Variants in MVB12B observed in about 807,000 individuals in gnomAD.
The protein encoded by MVB12B is multivesicular body subunit 12B, also known as ESCRT-I complex subunit MVB12B.
In MVB12B, 16 loss-of-function variants were observed where a neutral mutation model predicts 41.6. The observed-to-expected ratio is 0.38, with a 90% CI of 0.26 to 0.58. MVB12B has a LOEUF of 0.58. Among genes scored for constraint, MVB12B ranks in the 20% least tolerant of loss-of-function variants. MVB12B has a pLI of 0.62. For synonymous variants in MVB12B, 133 were observed against 139.7 expected, an observed-to-expected ratio of 0.95 and a Z score of 0.34; for missense variants, 274 against 380.2, an observed-to-expected ratio of 0.72 and a Z score of 2.32.
At chr9:126,327,778 T>C (rs1588074171) in intron 1 of MVB12B, among the ~76,000 whole-genome samples, 2 of 152,316 alleles carry the variant, frequency 1.3e-5, no homozygotes, top group Admixed American at 6.5e-5. Flanking sequence ...CCATGAAAGA[T>C]GAGACTCTTC....
chr9:126,394,883 A>C (rs1831063130), intron 5 of MVB12B, among the ~76,000 whole-genome samples: 1 of 152,158 alleles, frequency 6.6e-6, no homozygotes, highest in Admixed American at 6.5e-5. Flanking sequence ...ATATGGTGAA[A>C]ATGATCCCGT....
chr9:126,412,993 A>C (rs1831695581), intron 6 of MVB12B, among the ~76,000 whole-genome samples: 1 of 152,042 alleles, frequency 6.6e-6, no homozygotes, highest in Non-Finnish European at 1.5e-5. Flanking sequence ...GCCTCCTCTT[A>C]TTGATGGTCA....
chr9:126,465,567 G>T (rs1269615589), intron 7 of MVB12B, among the ~76,000 whole-genome samples: 2 of 150,864 alleles, frequency 1.3e-5, no homozygotes, highest in Non-Finnish European at 2.9e-5. Context: ...TATTCAATAG[G>T]TTTCTTTGGA....
intron 7 of MVB12B, among the ~76,000 whole-genome samples, chr9:126,475,173 C>G (rs992380604): frequency 6.6e-6 from 1 of 152,192 alleles, no homozygotes; most frequent in African/African-American, 2.4e-5. Flanking sequence ...ATTTGGCCCA[C>G]GATCACAACT....
At chr9:126,403,330 C>T (rs1235414383) in intron 6 of MVB12B, among the ~76,000 whole-genome samples, 2 of 152,206 alleles carry the variant, frequency 1.3e-5, no homozygotes, top group Non-Finnish European at 2.9e-5. Context: ...CCAGCCCCTT[C>T]CCTCCTGGAA....
intron 1 of MVB12B, among the ~76,000 whole-genome samples, chr9:126,332,453 G>A (rs1013973891): frequency 1.3e-5 from 2 of 152,180 alleles, no homozygotes; most frequent in Non-Finnish European, 2.9e-5. Flanking sequence ...TCTTCCTGCA[G>A]CCAGCCTGGG....
intron 2 of MVB12B, among the ~76,000 whole-genome samples, chr9:126,346,846 G>A (rs940173467): frequency 7.2e-5 from 11 of 152,224 alleles, no homozygotes; most frequent in East Asian, 5.8e-4. Context: ...CAAAGTTGCC[G>A]AAGTGAAAGG....
At chr9:126,472,904 T>C (rs1436361277) in intron 7 of MVB12B, among the ~76,000 whole-genome samples, 1 of 152,156 alleles carries the variant, frequency 6.6e-6, no homozygotes, top group Non-Finnish European at 1.5e-5. Context: ...CTTGCTTTCA[T>C]CTGCTGGAGG....
At chr9:126,496,212 T>TCCATCCACCCAC in intron 9 of MVB12B, among the ~76,000 whole-genome samples, 1 of 20,566 alleles carries the variant, frequency 4.9e-5, no homozygotes, top group African/African-American at 1.8e-4. Flanking sequence ...TACCCACCCG[T>TCCATCCACCCAC]CCATCCACCC....
chr9:126,332,207 A>G (rs758124255), intron 1 of MVB12B, among the ~76,000 whole-genome samples: 1 of 151,802 alleles, frequency 6.6e-6, no homozygotes, highest in Non-Finnish European at 1.5e-5. Context: ...TTCTTTGCTC[A>G]CCTTTCCCTG....
At chr9:126,355,798 T>G (rs910041885) in intron 2 of MVB12B, among the ~76,000 whole-genome samples, 2 of 152,244 alleles carry the variant, frequency 1.3e-5, no homozygotes, top group African/African-American at 4.8e-5. Flanking sequence ...TGAGGTAAAG[T>G]AACATAAAAT....
intron 6 of MVB12B, among the ~76,000 whole-genome samples, chr9:126,399,240 A>C (rs905604735): frequency 6.6e-6 from 1 of 152,134 alleles, no homozygotes; most frequent in Non-Finnish European, 1.5e-5. Flanking sequence ...ACATCGCCAC[A>C]CACATCTCTT....
intron 5 of MVB12B, among the ~76,000 whole-genome samples, chr9:126,393,159 T>A (rs924063321): frequency 6.6e-6 from 1 of 152,190 alleles, no homozygotes; most frequent in Non-Finnish European, 1.5e-5. Flanking sequence ...TAGGGCTCTG[T>A]TGATTGTAAG....
rs754498220 is a variant in MVB12B, at chr9:126,386,520, T to C, written c.313-42T>C. On this transcript the variant is annotated intron_variant, in intron 3 of 9. Transcript: ENST00000361171. This position sits in a 1 kb window ranked among gnomAD's most constrained non-coding sequence, Gnocchi z 4.3. ...CAAAATGGCAAACCCACCACATGCA[T>C]GTTCAGATTAATAGTCTGTATCTCT... 2.0e-6 allele frequency: 3 copies of C among 1,492,252 alleles called. No individual in the cohort carries two copies. In the Admixed American group the frequency reaches 5.0e-5, roughly 25 times the overall value. 92.4% of individuals were successfully genotyped at this position (1,492,252 alleles called of 1,614,324 possible). A position where few individuals can be genotyped will look rare whatever the true frequency, so the allele number is the denominator to read the frequency against.
chr9:126,405,324 G>A (rs1380741475), intron 6 of MVB12B, among the ~76,000 whole-genome samples: 2 of 151,942 alleles, frequency 1.3e-5, no homozygotes, highest in African/African-American at 4.8e-5. Context: ...GAGTGCACGA[G>A]GGCTCTTTGT....
At chr9:126,487,104 C>T (rs1833636045) in intron 9 of MVB12B, among the ~76,000 whole-genome samples, 1 of 152,222 alleles carries the variant, frequency 6.6e-6, no homozygotes, top group Admixed American at 6.5e-5. Context: ...GGTTGGGGCA[C>T]ACCCCGGAGT....
intron 9 of MVB12B, among the ~76,000 whole-genome samples, chr9:126,499,355 G>A (rs995287160): frequency 6.6e-6 from 1 of 152,116 alleles, no homozygotes; most frequent in African/African-American, 2.4e-5. Context: ...GTGGCGGCCT[G>A]TGCCCACCAG....
In MVB12B at chr9:126,370,526, C is replaced by T. The variant is rs188523791; in HGVS notation, c.205-10538C>T. Among the ~76,000 whole-genome samples the T allele has an allele frequency of 3.3e-5, 5 of 151,790 alleles. No individual in the cohort carries two copies. In the South Asian group the frequency reaches 8.4e-4, roughly 25 times the overall value. On this transcript the variant is annotated intron_variant, in intron 2 of 9. Transcript: ENST00000361171. ...CCTCCCGAGTAGCTGGGATTGCAGG[C>T]GCCCACCACCATGCCCAGCTAATTT... is the stretch of plus-strand genomic sequence containing the variant.
intron 6 of MVB12B, among the ~76,000 whole-genome samples, chr9:126,405,162 GC>G (rs1440376364): frequency 6.6e-6 from 1 of 152,004 alleles, no homozygotes; most frequent in South Asian, 2.1e-4. Flanking sequence ...GGTATTTGCT[GC>G]TTGTAAATGT....
Sources: gnomAD v4.1 joint callset for allele counts (sites outside exome capture counted in the v4.1 genomes callset) on GRCh38, gnomAD v4.1.1 for gene constraint, Gnocchi (gnomAD v3.1) non-coding constraint, MANE v1.5 for transcripts, NCBI Gene and HGNC (gene_info 2026-07-23, HGNC 2026-07-21) for gene names.